Variants in G2E3 observed in about 807,000 individuals in gnomAD.
G2E3 encodes the protein G2/M phase-specific E3 ubiquitin-protein ligase.
In G2E3, 35 loss-of-function variants were observed where a neutral mutation model predicts 92.8. The ratio of observed to expected loss-of-function variants is 0.38; its 90% confidence interval spans 0.29 to 0.50. The LOEUF (loss-of-function observed/expected upper bound fraction) is 0.50, where lower values mean the gene tolerates loss of function less well. Among genes scored for constraint, G2E3 ranks in the 20% least tolerant of loss-of-function variants. The pLI is 0.94. For synonymous variants in G2E3, 242 were observed against 272.4 expected, an observed-to-expected ratio of 0.89 and a Z score of 1.10; for missense variants, 554 against 823.8, an observed-to-expected ratio of 0.67 and a Z score of 4.01.
rs770361487 is a variant in G2E3 at position 30,601,767 on chromosome 14, C to T, written c.753-3C>T. On this transcript the variant is annotated splice_polypyrimidine_tract_variant and splice_region_variant and intron_variant, in intron 8 of 14. Transcript: ENST00000206595. ...TAAGTTCTGCTTTTCTTTGTGTCCT[C>T]AGCAAATGGGAAATAAAGCGCTGTC... The T allele has an allele frequency of 1.2e-6, 2 of 1,613,904 alleles. No individual in the cohort carries two copies. The highest frequency in any genetic ancestry group is 2.2e-5 in the East Asian group (1 of 44,868).
chr14:30,600,299 G>C (rs1419714262), intron 8 of G2E3, among the ~76,000 whole-genome samples: 2 of 152,234 alleles, frequency 1.3e-5, no homozygotes, highest in East Asian at 3.9e-4. Flanking sequence ...CCTACTCTGG[G>C]CTAGGGGTTC....
chr14:30,607,823 T>C (rs1881901548), intron 11 of G2E3, 65 bp from the exon 12 acceptor site: 2 of 833,730 alleles, frequency 2.4e-6, no homozygotes, highest in East Asian at 3.0e-5. Flanking sequence ...ATTTTTAATA[T>C]AAAAAATGAT....
intron 8 of G2E3, among the ~76,000 whole-genome samples, chr14:30,601,435 A>G (rs551302227): frequency 9.2e-5 from 14 of 152,258 alleles, no homozygotes; most frequent in African/African-American, 2.2e-4. Flanking sequence ...TGACACAGCA[A>G]TCTCCCTGTA....
chr14:30,597,571 G>A (rs927735451), intron 7 of G2E3, 45 bp downstream of exon 7: 3 of 1,004,500 alleles, frequency 3.0e-6, no homozygotes, highest in South Asian at 2.6e-5. Context: ...TATTTTAAAT[G>A]TAGGATTTAA....
At chr14:30,605,927 G>C (rs571064940) in intron 11 of G2E3, 115 bp downstream of exon 11, 2 of 503,354 alleles carry the variant, frequency 4.0e-6, no homozygotes, top group Non-Finnish European at 6.8e-6. Context: ...TGTTCACTTT[G>C]TTAATAAACT....
chr14:30,599,716 T>C (rs1021318589), intron 8 of G2E3, among the ~76,000 whole-genome samples: 1 of 152,186 alleles, frequency 6.6e-6, no homozygotes, highest in Non-Finnish European at 1.5e-5. Context: ...TTTATGTAGA[T>C]TACATATTGA....
chr14:30,574,582 C>T (rs1417376505), intron 1 of G2E3: 1 of 152,130 alleles, frequency 6.6e-6, no homozygotes, highest in Non-Finnish European at 1.5e-5. Flanking sequence ...TCCCACCCTC[C>T]TGCGTCAGGT....
intron 1 of G2E3, among the ~76,000 whole-genome samples, chr14:30,561,023 A>G (rs1377010027): frequency 6.6e-6 from 1 of 152,174 alleles, no homozygotes; most frequent in Non-Finnish European, 1.5e-5. Flanking sequence ...ATTTCCCTCT[A>G]CCGTATGATG....
chr14:30,560,816 T>A, intron 1 of G2E3: 2 of 701,976 alleles, frequency 2.8e-6, no homozygotes, highest in Non-Finnish European at 5.2e-6. Flanking sequence ...AGGATGGCAT[T>A]GAACAGTCTG....
chr14:30,598,301 C>T (rs1390282044), intron 7 of G2E3, 182 bp from the exon 8 acceptor site: 14 of 458,068 alleles, frequency 3.1e-5, no homozygotes, highest in South Asian at 1.6e-4. Flanking sequence ...CAGGGAGAAT[C>T]GCTTGAACCC....
intron 2 of G2E3, among the ~76,000 whole-genome samples, chr14:30,581,466 C>G (rs1381884445): frequency 1.3e-5 from 2 of 152,152 alleles, no homozygotes; most frequent in African/African-American, 4.8e-5. Context: ...CAGCACTTTA[C>G]GAGGCTGAAG....
chr14:30,575,040 A>G (rs1332038881), intron 1 of G2E3, among the ~76,000 whole-genome samples: 1 of 152,234 alleles, frequency 6.6e-6, no homozygotes, highest in African/African-American at 2.4e-5. Flanking sequence ...CACTACCACC[A>G]ACAGGGTATA....
intron 3 of G2E3, among the ~76,000 whole-genome samples, chr14:30,587,193 A>C (rs1341421587): frequency 6.6e-6 from 1 of 152,194 alleles, no homozygotes; most frequent in Non-Finnish European, 1.5e-5. Context: ...GAGTGGAATA[A>C]AAGTATTTTA....
At chr14:30,564,286 T>G (rs576487012) in intron 1 of G2E3, among the ~76,000 whole-genome samples, 9 of 152,240 alleles carry the variant, frequency 5.9e-5, no homozygotes, top group Admixed American at 1.3e-4. Context: ...GGCTGCATCA[T>G]ATGATAGGTG....
intron 6 of G2E3, among the ~76,000 whole-genome samples, chr14:30,594,720 T>C (rs1881189753): frequency 2.0e-5 from 3 of 151,556 alleles, no homozygotes; most frequent in Non-Finnish European, 2.9e-5. Context: ...AATTCTCTTA[T>C]TTCAATAAAG....
At chr14:30,592,282 A>T (rs758760304) in intron 4 of G2E3, 41 bp from the exon 5 acceptor site, 1 of 1,580,918 alleles carries the variant, frequency 6.3e-7, no homozygotes, top group East Asian at 2.2e-5. Context: ...TAATACTCAG[A>T]TTTTTTATGT....
chr14:30,585,555 G>A (rs1041140379), intron 2 of G2E3, among the ~76,000 whole-genome samples: 4 of 148,366 alleles, frequency 2.7e-5, no homozygotes, highest in African/African-American at 7.4e-5. Context: ...GCTTACTGTA[G>A]TTTTGTTGTA....
intron 1 of G2E3, among the ~76,000 whole-genome samples, chr14:30,562,603 C>T (rs1345372589): frequency 6.6e-6 from 1 of 151,878 alleles, no homozygotes; most frequent in Non-Finnish European, 1.5e-5. Flanking sequence ...AGGGAGTCTC[C>T]CTTTCCCCGG....
chr14:30,563,619 A>C (rs1879247827), intron 1 of G2E3, among the ~76,000 whole-genome samples: 2 of 141,922 alleles, frequency 1.4e-5, no homozygotes, highest in African/African-American at 5.1e-5. Context: ...GGGGTGGGGT[A>C]GGGGAGGATG....
Sources: allele counts gnomAD v4.1 joint callset (sites outside exome capture counted in the v4.1 genomes callset), GRCh38; gene constraint gnomAD v4.1.1; transcripts MANE v1.5; gene names NCBI Gene and HGNC (gene_info 2026-07-23, HGNC 2026-07-21).